The following KANSL1L variants were observed in gnomAD, a reference collection of about 807,000 sequenced individuals.
The protein encoded by KANSL1L is KAT8 regulatory NSL complex subunit 1 like, also known as KAT8 regulatory NSL complex subunit 1-like protein.
In KANSL1L, 25 loss-of-function variants were observed where a neutral mutation model predicts 108.6. The observed-to-expected ratio is 0.23, with a 90% CI of 0.17 to 0.32. The LOEUF (loss-of-function observed/expected upper bound fraction) is 0.32, where lower values mean the gene tolerates loss of function less well. Ranked by LOEUF, KANSL1L falls within the 10% of genes least tolerant of loss-of-function variation. KANSL1L has a pLI of 1.00. For synonymous variants in KANSL1L, 405 were observed against 395.1 expected (o/e 1.03, Z -0.30); for missense variants, 1,137 against 1,125.7 (o/e 1.01, Z -0.14).
At chr2:210,060,962 C>A (rs780242811) in intron 6 of KANSL1L, among the ~76,000 whole-genome samples, 1 of 152,146 alleles carries the variant, frequency 6.6e-6, no homozygotes, top group Admixed American at 6.5e-5. Context: ...GAAGTAATCA[C>A]CACTGCTACT....
chr2:210,159,160 A>G (rs1031772442), intron 1 of KANSL1L, among the ~76,000 whole-genome samples: 10 of 152,326 alleles, frequency 6.6e-5, no homozygotes, highest in Non-Finnish European at 1.3e-4. Flanking sequence ...CAGGTTCCTG[A>G]CTACTTTGCC....
intron 3 of KANSL1L, among the ~76,000 whole-genome samples, chr2:210,122,639 C>G (rs887102620): frequency 4.0e-5 from 6 of 151,872 alleles, no homozygotes; most frequent in African/African-American, 1.5e-4. Flanking sequence ...TAAGTAATAC[C>G]CCACAAGCAC....
At chr2:210,076,518 A>G (rs894481975) in intron 5 of KANSL1L, among the ~76,000 whole-genome samples, 2 of 152,138 alleles carry the variant, frequency 1.3e-5, no homozygotes, top group Admixed American at 6.6e-5. Context: ...ACTACATATT[A>G]ATAACATTTC....
intron 6 of KANSL1L, among the ~76,000 whole-genome samples, chr2:210,053,335 G>A (rs563944640): frequency 1.8e-4 from 27 of 152,280 alleles, no homozygotes; most frequent in African/African-American, 6.3e-4. Context: ...GGTGGCTCAT[G>A]CCTGTAATCA....
At chr2:210,158,994 T>A (rs926314757) in intron 1 of KANSL1L, among the ~76,000 whole-genome samples, 18 of 152,218 alleles carry the variant, frequency 1.2e-4, no homozygotes, top group African/African-American at 3.9e-4. Context: ...AAGGCTTGGA[T>A]TTTTGAACAG....
chr2:210,118,188 G>A (rs1194675903), intron 3 of KANSL1L, among the ~76,000 whole-genome samples: 1 of 149,282 alleles, frequency 6.7e-6, no homozygotes, highest in African/African-American at 2.5e-5. Flanking sequence ...AAAGGAGGGG[G>A]GCGGGTGCGG....
intron 2 of KANSL1L, among the ~76,000 whole-genome samples, chr2:210,145,829 G>C (rs142823711): frequency 6.6e-6 from 1 of 152,224 alleles, no homozygotes; most frequent in East Asian, 1.9e-4. Context: ...TTTGAGGTGA[G>C]AGTATGCATA....
chr2:210,022,895 T>TTTA lies in KANSL1L; in HGVS notation c.*51_*53dup, dbSNP rs2093879856. 7.9e-7 allele frequency: 1 copy of TTTA among 1,265,316 alleles called. No homozygotes were observed. The allele number at this position is 1,265,316 out of a possible 1,614,324, so 78.4% of individuals were successfully genotyped here. The stretch of plus-strand genomic sequence containing the variant: ...GGGGATGGGGGATCCAGAACAGGGC[T>TTTA]TTATTTCCTCCCATCTTTCCTACAT... On this transcript the variant is annotated 3_prime_UTR_variant, in exon 15 of 15. Transcript: ENST00000281772.
intron 1 of KANSL1L, among the ~76,000 whole-genome samples, chr2:210,155,641 A>T (rs1575634267): frequency 6.6e-6 from 1 of 152,346 alleles, no homozygotes; most frequent in Middle Eastern, 3.4e-3. Flanking sequence ...ATAATTAAAC[A>T]AATTTCATTG....
At chr2:210,077,700 G>A (rs2094552371) in intron 5 of KANSL1L, among the ~76,000 whole-genome samples, 1 of 152,180 alleles carries the variant, frequency 6.6e-6, no homozygotes, top group Non-Finnish European at 1.5e-5. Context: ...GATGTGTCTA[G>A]GGAAAATTAA....
chr2:210,103,971 T>C (rs1362758540), intron 4 of KANSL1L, 133 bp downstream of exon 4: 1 of 623,018 alleles, frequency 1.6e-6, no homozygotes, highest in Non-Finnish European at 2.8e-6. Context: ...ATTTTAATTG[T>C]ATTTAATGCC....
intron 6 of KANSL1L, among the ~76,000 whole-genome samples, chr2:210,074,499 T>C (rs1459401490): frequency 6.6e-6 from 1 of 152,090 alleles, no homozygotes; most frequent in African/African-American, 2.4e-5. Context: ...GGGCAAATTT[T>C]TGTATTTTTC....
chr2:210,070,222 T>C (rs2094496799), intron 6 of KANSL1L, among the ~76,000 whole-genome samples: 1 of 83,654 alleles, frequency 1.2e-5, no homozygotes, highest in African/African-American at 4.9e-5. Flanking sequence ...TCTTTCTCCG[T>C]TCTTTTTTTT....
chr2:210,154,975 T>C (rs1169363112), intron 1 of KANSL1L, among the ~76,000 whole-genome samples: 2 of 152,084 alleles, frequency 1.3e-5, no homozygotes, highest in Non-Finnish European at 2.9e-5. Context: ...TGTGACTCAA[T>C]TGTGTACTTT....
intron 2 of KANSL1L, among the ~76,000 whole-genome samples, chr2:210,135,714 C>T (rs1341922636): frequency 3.3e-5 from 5 of 152,120 alleles, no homozygotes; most frequent in Admixed American, 6.6e-5. Context: ...TAATTCTTGA[C>T]CGTTAAATGA....
rs1487358973 is a variant in KANSL1L at position 210,021,618 on chromosome 2, C to T, written c.*1331G>A. 2.0e-5 allele frequency: 3 copies of T among 152,404 alleles called. No individual in the cohort carries two copies. The highest frequency in any genetic ancestry group is 4.4e-5 in the Non-Finnish European group (3 of 67,948). 9.4% of individuals were successfully genotyped at this position (152,404 alleles called of 1,614,324 possible). A position where few individuals can be genotyped will look rare whatever the true frequency, so the allele number is the denominator to read the frequency against. On this transcript the variant is annotated 3_prime_UTR_variant, in exon 15 of 15. Coordinates refer to ENST00000281772, the MANE Select transcript of KANSL1L (RefSeq NM_152519.4). ...TTGAATTTTTTACCCCTTAAAAGGA[C>T]TAGTATAATTTCCAATCTCTAACAA...
At chr2:210,106,234 A>G (rs762897994) in intron 3 of KANSL1L, among the ~76,000 whole-genome samples, 1 of 152,154 alleles carries the variant, frequency 6.6e-6, no homozygotes, top group Non-Finnish European at 1.5e-5. Flanking sequence ...CCACCTTATC[A>G]ATTTAACTGC....
chr2:210,031,577 T>G, intron 8 of KANSL1L, 31 bp from the exon 9 acceptor site: 16 of 1,403,530 alleles, frequency 1.1e-5, no homozygotes, highest in Non-Finnish European at 1.5e-5. Flanking sequence ...ATATTAAGTT[T>G]TAGTTCCTTA....
At chr2:210,151,212 G>A (rs1377051346) in intron 2 of KANSL1L, among the ~76,000 whole-genome samples, 2 of 152,042 alleles carry the variant, frequency 1.3e-5, no homozygotes, top group Non-Finnish European at 2.9e-5. Context: ...GTATAGATGA[G>A]GTTTTGCCAT....
Sources: allele counts gnomAD v4.1 joint callset (sites outside exome capture counted in the v4.1 genomes callset), GRCh38; gene constraint gnomAD v4.1.1; transcripts MANE v1.5; gene names NCBI Gene and HGNC (gene_info 2026-07-23, HGNC 2026-07-21).